The following FSTL4 variants were observed in gnomAD, a reference collection of about 807,000 sequenced individuals.
FSTL4 encodes follistatin-related protein 4.
A neutral mutation model predicts 78.2 loss-of-function variants in FSTL4; 28 were observed. The observed-to-expected ratio is 0.36, with a 90% CI of 0.27 to 0.49. The LOEUF is 0.49. Ranked by LOEUF, FSTL4 falls within the 20% of genes least tolerant of loss-of-function variation. The probability of loss-of-function intolerance (pLI) is 0.98; values close to 1 mark genes in which losing one functional copy is unlikely to be tolerated. For synonymous variants in FSTL4, 422 were observed against 440.5 expected (o/e 0.96, Z 0.53); for missense variants, 922 against 1,084.9 (o/e 0.85, Z 2.11).
At chr5:133,358,487 G>T (rs1754990288) in intron 4 of FSTL4, among the ~76,000 whole-genome samples, 2 of 152,166 alleles carry the variant, frequency 1.3e-5, no homozygotes, top group African/African-American at 4.8e-5. Flanking sequence ...AGGGGGCCTG[G>T]GCTGGCTATG....
intron 4 of FSTL4, among the ~76,000 whole-genome samples, chr5:133,397,893 G>T (rs928670807): frequency 1.3e-5 from 2 of 152,170 alleles, no homozygotes; most frequent in Non-Finnish European, 2.9e-5. Flanking sequence ...GAAAAACAAG[G>T]TATTTTTTTG....
At chr5:133,408,414 T>G (rs1293040213) in intron 3 of FSTL4, among the ~76,000 whole-genome samples, 3 of 152,032 alleles carry the variant, frequency 2.0e-5, no homozygotes, top group Non-Finnish European at 4.4e-5. Context: ...AACGTGAGGC[T>G]CCAAGCCACT....
the FSTL4 span, among the ~76,000 whole-genome samples, chr5:133,656,251 C>A: frequency 2.0e-5 from 3 of 151,922 alleles, no homozygotes; most frequent in Non-Finnish European, 2.9e-5. Context: ...GCAAATGGAG[C>A]TTAATCCCAC....
rs531530098 is a variant in FSTL4, at chr5:133,519,846, T to A, written c.160+47340A>T. 4.6e-5 allele frequency among the ~76,000 whole-genome samples: 7 copies of A among 152,300 alleles called. No individual in the cohort carries two copies. The South Asian group carries it at 1.5e-3, about 32-fold the overall frequency. On this transcript the variant is annotated intron_variant, in intron 3 of 15. Coordinates refer to ENST00000265342, the MANE Select transcript of FSTL4 (RefSeq NM_015082.2). ...CCCTGCAAGTCACATGCATTTCATT[T>A]TGGGTCTAATGACAATACTTAGGCA... is the stretch of plus-strand genomic sequence containing the variant.
chr5:133,358,619 G>A (rs1281470820), intron 4 of FSTL4, among the ~76,000 whole-genome samples: 5 of 143,042 alleles, frequency 3.5e-5, no homozygotes, highest in Admixed American at 7.0e-5. Flanking sequence ...TTTTTGAGGC[G>A]GAGTCTCACT....
chr5:133,317,221 C>T (rs920359002), intron 4 of FSTL4, among the ~76,000 whole-genome samples: 1 of 152,228 alleles, frequency 6.6e-6, no homozygotes, highest in Non-Finnish European at 1.5e-5. Context: ...AGCTTTACAA[C>T]GTTAAAACCG....
chr5:133,417,637 G>C (rs1299072574), intron 3 of FSTL4, among the ~76,000 whole-genome samples: 3 of 152,070 alleles, frequency 2.0e-5, no homozygotes, highest in Admixed American at 2.0e-4. Context: ...AGGAAGAAAA[G>C]ACACATTATT....
At chr5:133,791,206 C>T in the FSTL4 span, among the ~76,000 whole-genome samples, 46 of 152,218 alleles carry the variant, frequency 3.0e-4, 1 homozygote, top group African/African-American at 9.4e-4. Context: ...TCAAATTACT[C>T]AAATATCATC....
At chr5:133,408,584 G>A (rs1231946134) in intron 3 of FSTL4, among the ~76,000 whole-genome samples, 2 of 151,710 alleles carry the variant, frequency 1.3e-5, no homozygotes, top group South Asian at 2.1e-4. Flanking sequence ...GAGCGGGGGC[G>A]GGGTGGGGTA....
chr5:133,369,104 T>C (rs576058407), intron 4 of FSTL4, among the ~76,000 whole-genome samples: 1 of 152,068 alleles, frequency 6.6e-6, no homozygotes, highest in African/African-American at 2.4e-5. Flanking sequence ...CCATGCAGGG[T>C]TCTGGCAGGC....
chr5:133,450,512 A>G (rs1488977125), intron 3 of FSTL4, among the ~76,000 whole-genome samples: 1 of 152,266 alleles, frequency 6.6e-6, no homozygotes, highest in Non-Finnish European at 1.5e-5. Flanking sequence ...GGTCTTGTCC[A>G]TCTTTCATAA....
intron 3 of FSTL4, among the ~76,000 whole-genome samples, chr5:133,559,209 T>C (rs1759862579): frequency 6.6e-6 from 1 of 152,208 alleles, no homozygotes; most frequent in Non-Finnish European, 1.5e-5. Context: ...TCACAGATAA[T>C]TAACCCCAGA....
At chr5:133,432,884 C>T (rs1422489411) in intron 3 of FSTL4, among the ~76,000 whole-genome samples, 1 of 152,192 alleles carries the variant, frequency 6.6e-6, no homozygotes, top group Non-Finnish European at 1.5e-5. Context: ...ACACCCCAAG[C>T]CACAAGCACT....
At chr5:133,520,878 G>C (rs1026669038) in intron 3 of FSTL4, among the ~76,000 whole-genome samples, 4 of 152,264 alleles carry the variant, frequency 2.6e-5, no homozygotes, top group Admixed American at 1.3e-4. Context: ...TGGAAAAGCT[G>C]ATGTGGAGGA....
chr5:133,607,262 C>T (rs1399313216), intron 1 of FSTL4, among the ~76,000 whole-genome samples: 1 of 152,152 alleles, frequency 6.6e-6, no homozygotes, highest in African/African-American at 2.4e-5. Flanking sequence ...TGGAAATTTA[C>T]AGCTCAAGTT....
At chr5:133,794,176 C>T in the FSTL4 span, among the ~76,000 whole-genome samples, 1 of 152,212 alleles carries the variant, frequency 6.6e-6, no homozygotes, top group African/African-American at 2.4e-5. Flanking sequence ...TCTATCCAAC[C>T]CAGAGGCCAA....
chr5:133,242,916 C>T (rs547024505), intron 7 of FSTL4, among the ~76,000 whole-genome samples: 13 of 152,290 alleles, frequency 8.5e-5, no homozygotes, highest in South Asian at 6.2e-4. Context: ...GCTAATCAAA[C>T]GCCTCTCATC....
chr5:133,834,146 A>G, the FSTL4 span, among the ~76,000 whole-genome samples: 1 of 152,242 alleles, frequency 6.6e-6, no homozygotes, highest in African/African-American at 2.4e-5. Flanking sequence ...TGGCTTTGCC[A>G]AGGTTCATAA....
the FSTL4 span, among the ~76,000 whole-genome samples, chr5:133,779,080 T>G: frequency 6.6e-6 from 1 of 152,210 alleles, no homozygotes; most frequent in African/African-American, 2.4e-5. Context: ...CTTGAACTCT[T>G]AGACCTGCTA....
Sources: allele counts gnomAD v4.1 joint callset (sites outside exome capture counted in the v4.1 genomes callset), GRCh38; gene constraint gnomAD v4.1.1; transcripts MANE v1.5; gene names NCBI Gene and HGNC (gene_info 2026-07-23, HGNC 2026-07-21).